The following ADCY7 variants were observed in gnomAD, a reference collection of about 807,000 sequenced individuals.
ADCY7 encodes adenylate cyclase type 7.
Under a neutral mutation model 120.6 loss-of-function variants are expected in ADCY7, and 72 were observed. That is an observed-to-expected ratio of 0.60 (90% CI 0.49 to 0.73). ADCY7 has a LOEUF of 0.73. Among genes scored for constraint, ADCY7 ranks in the 30% least tolerant of loss-of-function variants. The pLI is 0.00. For missense variants in ADCY7, 1,227 were observed against 1,486.0 expected (o/e 0.83, Z 2.87); for synonymous variants, 661 against 628.0 (o/e 1.05, Z -0.78).
In ADCY7 at chr16:50,314,932, G is replaced by A. The variant is rs1026038797; in HGVS notation, c.2972-82G>A. On this transcript the variant is annotated intron_variant, in intron 24 of 25. Coordinates refer to ENST00000673801, the MANE Select transcript of ADCY7 (RefSeq NM_001114.5). The stretch of plus-strand genomic sequence containing the variant: ...TTTTGTCCCCGCATCCTGTGCTGGG[G>A]TATGGATTCTCTGGCCTCCTCTAAG... The A allele has an allele frequency of 4.5e-6, 7 of 1,568,782 alleles. No homozygotes were observed. The Admixed American group carries it at 9.0e-5, about 20-fold the overall frequency.
intron 1 of ADCY7, among the ~76,000 whole-genome samples, chr16:50,246,584 C>T (rs2032594656): frequency 1.3e-5 from 2 of 152,298 alleles, no homozygotes; most frequent in East Asian, 1.9e-4. Flanking sequence ...CTCGGGGCGG[C>T]GGGGCCTGTT....
chr16:50,306,691 G>C (rs2036089465), intron 14 of ADCY7, among the ~76,000 whole-genome samples: 1 of 152,194 alleles, frequency 6.6e-6, no homozygotes. Context: ...GCTCTGCAGG[G>C]ACCTTGGAAA....
At chr16:50,280,034 G>A (rs551803384) in intron 1 of ADCY7, among the ~76,000 whole-genome samples, 24 of 151,972 alleles carry the variant, frequency 1.6e-4, no homozygotes, top group Non-Finnish European at 3.2e-4. Context: ...GCTCTTCTTC[G>A]TATATCTGGT....
At chr16:50,253,419 T>C (rs2032817372) in intron 1 of ADCY7, among the ~76,000 whole-genome samples, 1 of 152,128 alleles carries the variant, frequency 6.6e-6, no homozygotes, top group Non-Finnish European at 1.5e-5. Flanking sequence ...GCCCGACTAA[T>C]TTTTGTGTTT....
rs967686771 is a variant in ADCY7 at position 50,297,648 on chromosome 16, G to A, written c.949-1256G>A. ...CAGGCTGGGCAGGTGCAGGGGACCT[G>A]GAGGCAGGGCTGGTGCTGTGTCTGG... On this transcript the variant is annotated intron_variant, in intron 7 of 25. Transcript: ENST00000673801. This position sits in a 1 kb window ranked among gnomAD's most constrained non-coding sequence, Gnocchi z 4.4. Among the ~76,000 whole-genome samples the A allele has an allele frequency of 6.6e-6, 1 of 152,150 alleles. No homozygotes were observed. Among genetic ancestry groups the A allele is most frequent in the Non-Finnish European group, 1.5e-5 (1 of 68,034 alleles).
chr16:50,248,590 T>TG (rs2032660388), intron 1 of ADCY7, among the ~76,000 whole-genome samples: 1 of 152,252 alleles, frequency 6.6e-6, no homozygotes, highest in Admixed American at 6.5e-5. Context: ...AGGGTATCTT[T>TG]GGGGGAGTTC....
intron 17 of ADCY7, 151 bp downstream of exon 17, chr16:50,308,943 G>T: frequency 1.0e-6 from 1 of 962,828 alleles, no homozygotes; most frequent in South Asian, 2.1e-5. Context: ...GTACACTCAG[G>T]GCTCCTCACC....
At position 50,269,216 on chromosome 16, in the gene ADCY7, G is replaced by T. The variant is rs557176622; in HGVS notation, c.-269+2536G>T. 2.6e-5 allele frequency among the ~76,000 whole-genome samples: 4 copies of T among 152,338 alleles called. No homozygotes were observed. The South Asian group carries it at 8.3e-4, about 32-fold the overall frequency. On this transcript the variant is annotated intron_variant, in intron 1 of 25. Coordinates refer to ENST00000673801, the MANE Select transcript of ADCY7 (RefSeq NM_001114.5). ...TACAGAGGAGACAGGGCCCAGAGGG[G>T]CTGTCTATCCTGAATAACCCAGCAG... is the stretch of plus-strand genomic sequence containing the variant.
intron 2 of ADCY7, 107 bp from the exon 3 acceptor site, chr16:50,290,350 C>A (rs1270234869): frequency 2.4e-6 from 3 of 1,239,918 alleles, no homozygotes; most frequent in Non-Finnish European, 2.3e-6. Context: ...CCACACCCTT[C>A]ACGTGGAGGA....
intron 22 of ADCY7, chr16:50,313,387 A>G (rs762176542): frequency 4.0e-6 from 1 of 249,808 alleles, no homozygotes; most frequent in Non-Finnish European, 7.9e-6. Context: ...ACTGCACTAC[A>G]GCCTGGGCAA....
chr16:50,260,945 G>A (rs1189940895), intron 1 of ADCY7, among the ~76,000 whole-genome samples: 3 of 152,188 alleles, frequency 2.0e-5, no homozygotes, highest in East Asian at 1.9e-4. Context: ...GGTGTGGGAG[G>A]GGACCATTCA....
At position 50,317,772 on chromosome 16, in the gene ADCY7, G is replaced by GTATC. The variant is rs771112633; in HGVS notation, c.*2270_*2273dup. On this transcript the variant is annotated 3_prime_UTR_variant, in exon 26 of 26. Coordinates refer to ENST00000673801, the MANE Select transcript of ADCY7 (RefSeq NM_001114.5). ...TCATTTTGTTTTATGACAGACACAC[G>GTATC]TATCTAACAAACAAACAAACAGTGA... 1.3e-5 allele frequency: 2 copies of GTATC among 152,298 alleles called. No individual in the cohort carries two copies. Among genetic ancestry groups the GTATC allele is most frequent in the East Asian group, 1.9e-4 (1 of 5,328 alleles). 9.4% of individuals were successfully genotyped at this position (152,298 alleles called of 1,614,324 possible). A position where few individuals can be genotyped will look rare whatever the true frequency, so the allele number is the denominator to read the frequency against.
chr16:50,300,946 G>C, intron 9 of ADCY7, 73 bp downstream of exon 9: 1 of 1,539,398 alleles, frequency 6.5e-7, no homozygotes, highest in Non-Finnish European at 8.8e-7. Context: ...TGCGGTTGGG[G>C]GTGGGGGTCA....
upstream of ADCY7, among the ~76,000 whole-genome samples, chr16:50,266,232 T>TA (rs1293086999): frequency 2.6e-5 from 4 of 152,258 alleles, no homozygotes; most frequent in African/African-American, 9.6e-5. Flanking sequence ...CGCTAATTGC[T>TA]AATTGCTCAC....
Position 50,308,382 on chromosome 16 carries a change from C to G in ADCY7, c.1906C>G (p.Leu636Val). The change falls in exon 16 of 26, where the codon CTG becomes GTG. Residue 636 changes from leucine (L) to valine (V), a missense_variant. By Grantham distance (32) the Leu-to-Val change is conservative. Coordinates refer to ENST00000673801, the MANE Select transcript of ADCY7 (RefSeq NM_001114.5). ...GGTGGCCTGTGTACTGGGGCTGGTG[C>G]TGGGCCTGTGCTTTGCCACCAAGTT... ...GLVACVLGLV[L>V]GLCFATKFSR... is the part of the protein sequence containing the mutation. The G allele has an allele frequency of 1.2e-6, 2 of 1,613,992 alleles. No homozygotes were observed. Among genetic ancestry groups the G allele is most frequent in the Non-Finnish European group, 8.5e-7 (1 of 1,179,972 alleles).
Position 50,291,765 on chromosome 16 carries a change from G to A in ADCY7, c.405G>A (p.Val135=). Residue 135 remains valine, a synonymous_variant, in exon 4 of 26, where the codon GTG becomes GTA. Transcript: ENST00000673801. ...CCTTCTTCCTGTTCATTGTCTTCGTGGTGTACACACTACTGCCCTTCAGCA... is the reference window on the plus strand; with the variant it reads ...CCTTCTTCCTGTTCATTGTCTTCGTAGTGTACACACTACTGCCCTTCAGCA... ...QVPFFLFIVF[V]VYTLLPFSMR... The A allele has an allele frequency of 6.2e-7, 1 of 1,614,150 alleles. No homozygotes were observed.
chr16:50,284,025 C>G (rs1404465110), intron 1 of ADCY7, among the ~76,000 whole-genome samples: 2 of 152,174 alleles, frequency 1.3e-5, no homozygotes. Flanking sequence ...GGGAGGCCCT[C>G]CCTGTTGCCA....
intron 1 of ADCY7, among the ~76,000 whole-genome samples, chr16:50,286,622 CTG>C (rs1452145753): frequency 6.6e-6 from 1 of 152,036 alleles, no homozygotes; most frequent in Non-Finnish European, 1.5e-5. Flanking sequence ...TTGGAACCCT[CTG>C]TGCCTGGAGG....
chr16:50,269,839 C>G (rs749287726), intron 1 of ADCY7, among the ~76,000 whole-genome samples: 2 of 152,146 alleles, frequency 1.3e-5, no homozygotes, highest in Non-Finnish European at 2.9e-5. Context: ...ATGCCTGTAT[C>G]AGAGCAGCCC....
Sources: allele counts gnomAD v4.1 joint callset (sites outside exome capture counted in the v4.1 genomes callset), GRCh38; gene constraint gnomAD v4.1.1; non-coding constraint Gnocchi (gnomAD v3.1); transcripts MANE v1.5; gene names NCBI Gene and HGNC (gene_info 2026-07-23, HGNC 2026-07-21).